RBFOX1: variants seen among roughly 807,000 people sequenced by gnomAD.
RBFOX1 encodes the protein RNA binding fox-1 homolog 1.
A neutral mutation model predicts 57.7 loss-of-function variants in RBFOX1; 8 were observed. The observed-to-expected ratio is 0.14, with a 90% confidence interval of 0.08 to 0.25. The LOEUF is 0.25. Ranked by LOEUF, RBFOX1 falls within the 10% of genes least tolerant of loss-of-function variation. RBFOX1 has a pLI of 1.00. For synonymous variants in RBFOX1, 326 were observed against 222.4 expected, an observed-to-expected ratio of 1.47 and a Z score of -4.15; for missense variants, 611 against 548.5, an observed-to-expected ratio of 1.11 and a Z score of -1.14.
chr16:5,448,290 G>C (rs576773294), intron 1 of RBFOX1, among the ~76,000 whole-genome samples: 2 of 152,186 alleles, frequency 1.3e-5, no homozygotes, highest in African/African-American at 4.8e-5. Flanking sequence ...ACTCTAAACT[G>C]TTCCTCAAAC....
At chr16:5,635,995 G>C (rs1211640195) in intron 3 of RBFOX1, among the ~76,000 whole-genome samples, 1 of 152,084 alleles carries the variant, frequency 6.6e-6, no homozygotes, top group African/African-American at 2.4e-5. Flanking sequence ...GATTTCCTGA[G>C]GCCAGCAGTT....
In RBFOX1 at chr16:6,024,089, C is replaced by A. The variant is rs113868353; in HGVS notation, c.-127+4097C>A. 2.6e-3 allele frequency among the ~76,000 whole-genome samples: 398 copies of A among 152,280 alleles called. 4 individuals are homozygous for A. Among genetic ancestry groups the A allele is most frequent in the African/African-American group, 9.1e-3 (380 of 41,554 alleles). ...TTTGAATCTGTAGTCATTGTGAGCA[C>A]TGTCACTCATTACCACTGGTTTGTC... On this transcript the variant is annotated intron_variant, in intron 1 of 15. Transcript: ENST00000550418.
chr16:6,281,960 C>T (rs1163629368), intron 1 of RBFOX1, among the ~76,000 whole-genome samples: 1 of 152,086 alleles, frequency 6.6e-6, no homozygotes, highest in Non-Finnish European at 1.5e-5. Flanking sequence ...TACTGCACAC[C>T]AGAGAGACAG....
chr16:6,437,657 G>A (rs1360990778), intron 2 of RBFOX1, among the ~76,000 whole-genome samples: 1 of 152,166 alleles, frequency 6.6e-6, no homozygotes, highest in Non-Finnish European at 1.5e-5. Context: ...AGTTTCACAG[G>A]CTGTATAGGA....
chr16:6,033,340 A>C (rs990983889), intron 1 of RBFOX1, among the ~76,000 whole-genome samples: 10 of 152,238 alleles, frequency 6.6e-5, no homozygotes, highest in Non-Finnish European at 1.2e-4. Flanking sequence ...AGTTTTGATT[A>C]AATGGTACAA....
intron 14 of RBFOX1, among the ~76,000 whole-genome samples, chr16:7,687,149 C>G (rs1213275381): frequency 6.6e-6 from 1 of 152,052 alleles, no homozygotes; most frequent in Non-Finnish European, 1.5e-5. Context: ...TGTGTATACC[C>G]TGTCTCATTC....
chr16:7,251,743 C>G (rs892020871), intron 4 of RBFOX1, among the ~76,000 whole-genome samples: 1 of 152,046 alleles, frequency 6.6e-6, no homozygotes, highest in Non-Finnish European at 1.5e-5. Flanking sequence ...TGTCAGTGCA[C>G]GCTTAGGTTG....
At chr16:6,949,862 C>T (rs1480268084) in intron 3 of RBFOX1, among the ~76,000 whole-genome samples, 1 of 151,962 alleles carries the variant, frequency 6.6e-6, no homozygotes, top group Non-Finnish European at 1.5e-5. Flanking sequence ...AATTCCAAGC[C>T]CCTCTGTTGC....
At chr16:6,965,315 TTGTGTGTGTGTGTGTGTGTG>T (rs57603257) in intron 3 of RBFOX1, among the ~76,000 whole-genome samples, 75,419 of 147,528 alleles carry the variant, frequency 0.51, 19,765 homozygotes, top group Middle Eastern at 0.61. Context: ...TTTTCTTTTG[TTGTGTGTGTGTGTGTGTGTG>T]TGTGTGTGTG....
At chr16:5,325,209 C>T (rs2064534085) in intron 1 of RBFOX1, among the ~76,000 whole-genome samples, 1 of 152,012 alleles carries the variant, frequency 6.6e-6, no homozygotes, top group African/African-American at 2.4e-5. Context: ...CTCTCTTCCC[C>T]TTCCCTCTTC....
intron 2 of RBFOX1, among the ~76,000 whole-genome samples, chr16:5,506,794 C>T (rs182741648): frequency 2.2e-3 from 334 of 152,208 alleles, no homozygotes; most frequent in South Asian, 4.2e-3. Context: ...TGGGTACGAC[C>T]ACTGGGTAAT....
chr16:7,621,716 G>A (rs534492247), intron 10 of RBFOX1, among the ~76,000 whole-genome samples: 1 of 152,270 alleles, frequency 6.6e-6, no homozygotes, highest in African/African-American at 2.4e-5. Flanking sequence ...AATACTTAGT[G>A]CCAGCTCCCT....
At chr16:7,242,321 C>T (rs754709478) in intron 4 of RBFOX1, among the ~76,000 whole-genome samples, 2 of 152,140 alleles carry the variant, frequency 1.3e-5, no homozygotes, top group South Asian at 2.1e-4. Flanking sequence ...ATAGGCATGA[C>T]ATATCATCAT....
chr16:5,686,811 T>A (rs544163215), intron 3 of RBFOX1, among the ~76,000 whole-genome samples: 198 of 152,316 alleles, frequency 1.3e-3, no homozygotes, highest in Non-Finnish European at 2.2e-3. Context: ...TCAGCAAAAC[T>A]GCTTCTAGTT....
At chr16:6,563,447 G>GTT (rs2097211413) in intron 2 of RBFOX1, among the ~76,000 whole-genome samples, 1 of 152,096 alleles carries the variant, frequency 6.6e-6, no homozygotes, top group African/African-American at 2.4e-5. Context: ...AAGTTATTGA[G>GTT]ATGTAAGTCA....
chr16:6,026,624 A>G (rs2095200447), intron 1 of RBFOX1, among the ~76,000 whole-genome samples: 1 of 152,262 alleles, frequency 6.6e-6, no homozygotes, highest in African/African-American at 2.4e-5. Context: ...TGAGCCCATT[A>G]GAGCCACAAA....
intron 1 of RBFOX1, among the ~76,000 whole-genome samples, chr16:6,111,060 G>A (rs2096441245): frequency 6.6e-6 from 1 of 152,118 alleles, no homozygotes; most frequent in South Asian, 2.1e-4. Context: ...GGAATGGGGA[G>A]GTCAGACCTC....
chr16:5,259,259 G>A (rs568759441), intron 1 of RBFOX1, among the ~76,000 whole-genome samples: 86 of 152,080 alleles, frequency 5.7e-4, no homozygotes, highest in African/African-American at 2.0e-3. Flanking sequence ...TTATGTGTGT[G>A]TGGGTGCTTA....
intron 4 of RBFOX1, among the ~76,000 whole-genome samples, chr16:7,318,014 C>T (rs111657513): frequency 0.049 from 7,289 of 150,272 alleles, 457 homozygotes; most frequent in African/African-American, 0.15. Context: ...GTGACGGTAG[C>T]GATGATGGTG....
Sources: gnomAD v4.1 joint callset for allele counts (sites outside exome capture counted in the v4.1 genomes callset) on GRCh38, gnomAD v4.1.1 for gene constraint, MANE v1.5 for transcripts, NCBI Gene and HGNC (gene_info 2026-07-23, HGNC 2026-07-21) for gene names.